Variants in SMARCC1 observed in about 807,000 individuals in gnomAD.
SMARCC1 encodes SWI/SNF complex subunit SMARCC1.
In SMARCC1, 43 loss-of-function variants were observed where a neutral mutation model predicts 147.4. That is an observed-to-expected ratio of 0.29 (90% CI 0.23 to 0.38). SMARCC1 has a LOEUF of 0.38. SMARCC1 is among the 10% of genes least tolerant of loss of function. The probability of loss-of-function intolerance (pLI) is 1.00; values close to 1 mark genes in which losing one functional copy is unlikely to be tolerated. For synonymous variants in SMARCC1, 495 were observed against 484.4 expected (o/e 1.02, Z -0.29); for missense variants, 1,119 against 1,381.1 (o/e 0.81, Z 3.01).
At chr3:47,636,795 T>C (rs1397362139) in intron 22 of SMARCC1, among the ~76,000 whole-genome samples, 1 of 52,494 alleles carries the variant, frequency 1.9e-5, no homozygotes, top group Admixed American at 2.1e-4. Flanking sequence ...TATATGTGTG[T>C]GTGTGTGTGT....
In SMARCC1 at chr3:47,693,272, T is replaced by C. The variant is rs1377811217; in HGVS notation, c.1194A>G (p.Thr398=). 6 of 1,592,854 alleles carry C rather than the reference T, an allele frequency of 3.8e-6. No individual in the cohort carries two copies. The highest frequency in any genetic ancestry group is 5.2e-6 in the Non-Finnish European group (6 of 1,160,866). The change falls in exon 12 of 28, where the codon ACA becomes ACG. Residue 398 remains threonine (T), a synonymous_variant. Transcript: ENST00000254480. ...CCGCTACAGTTCCTCCTTTAACAGG[T>C]GTATTTTCACTATCTTTCTTTAGGT... ...NVNLKKDSEN[T]PVKGGTVADL...
intron 2 of SMARCC1, among the ~76,000 whole-genome samples, chr3:47,753,712 C>CAAAAAAAAAAA (rs71070226): frequency 1.0e-4 from 7 of 69,584 alleles, no homozygotes; most frequent in East Asian, 4.6e-4. Flanking sequence ...AACTCCATCT[C>CAAAAAAAAAAA]AAAAAAAAAA....
intron 26 of SMARCC1, chr3:47,604,507 T>C (rs992667345): frequency 1.4e-5 from 5 of 357,300 alleles, no homozygotes; most frequent in South Asian, 1.1e-4. Context: ...TGCTCATAGT[T>C]CTTACCTTAC....
chr3:47,699,504 C>T (rs2033892547), intron 11 of SMARCC1, among the ~76,000 whole-genome samples: 1 of 151,998 alleles, frequency 6.6e-6, no homozygotes, highest in Admixed American at 6.6e-5. Flanking sequence ...TCCTAGTATT[C>T]TTAACTGCCC....
At chr3:47,684,807 T>C (rs533613733) in intron 14 of SMARCC1, among the ~76,000 whole-genome samples, 3 of 152,234 alleles carry the variant, frequency 2.0e-5, no homozygotes, top group Non-Finnish European at 2.9e-5. Context: ...AGACCCCCAA[T>C]GGATGCCTGA....
chr3:47,721,404 A>G (rs184131364), intron 6 of SMARCC1, among the ~76,000 whole-genome samples: 2 of 152,320 alleles, frequency 1.3e-5, no homozygotes, highest in Admixed American at 1.3e-4. Flanking sequence ...AGTGATTCTT[A>G]GTATTCTAAT....
intron 26 of SMARCC1, among the ~76,000 whole-genome samples, chr3:47,595,470 T>C (rs899147485): frequency 1.1e-4 from 16 of 151,856 alleles, no homozygotes; most frequent in African/African-American, 2.9e-4. Flanking sequence ...GAGGTTGCAG[T>C]GAGCCGAGAA....
intron 12 of SMARCC1, among the ~76,000 whole-genome samples, chr3:47,692,985 T>G (rs992141452): frequency 2.0e-5 from 3 of 151,924 alleles, no homozygotes; most frequent in Admixed American, 2.0e-4. Flanking sequence ...CAGAGTGAGA[T>G]TCCGTCTTAA....
intron 2 of SMARCC1, among the ~76,000 whole-genome samples, chr3:47,769,992 G>A (rs1376035774): frequency 2.0e-5 from 3 of 152,012 alleles, no homozygotes; most frequent in African/African-American, 7.2e-5. Flanking sequence ...TTGGGAGGCC[G>A]AGGCAGGCAG....
At chr3:47,688,599 A>G (rs1045750302) in intron 13 of SMARCC1, among the ~76,000 whole-genome samples, 3 of 152,162 alleles carry the variant, frequency 2.0e-5, no homozygotes, top group Admixed American at 2.0e-4. Flanking sequence ...CTTAAATCTA[A>G]CATGTTCCAA....
chr3:47,691,727 C>T (rs963551750), intron 12 of SMARCC1, among the ~76,000 whole-genome samples: 3 of 149,556 alleles, frequency 2.0e-5, no homozygotes, highest in African/African-American at 7.4e-5. Context: ...TTGCCAGGCC[C>T]GAAAGCTCAT....
At chr3:47,772,020 A>G (rs1276583050) in intron 2 of SMARCC1, among the ~76,000 whole-genome samples, 2 of 151,286 alleles carry the variant, frequency 1.3e-5, no homozygotes, top group Non-Finnish European at 3.0e-5. Context: ...AGTGAGCCGA[A>G]ATCACACCAC....
intron 2 of SMARCC1, among the ~76,000 whole-genome samples, chr3:47,757,266 AAAAG>A (rs924839087): frequency 1.3e-4 from 20 of 152,156 alleles, no homozygotes; most frequent in African/African-American, 4.6e-4. Context: ...AGAAAAGAAA[AAAAG>A]AGAGAGAGAA....
intron 7 of SMARCC1, 70 bp from the exon 8 acceptor site, chr3:47,714,560 TAATA>T: frequency 1.3e-6 from 1 of 789,698 alleles, no homozygotes; most frequent in Non-Finnish European, 2.1e-6. Context: ...CTTTTACAAA[TAATA>T]AGAACATGTT....
At chr3:47,779,956 A>C (rs1166531509) in intron 1 of SMARCC1, among the ~76,000 whole-genome samples, 3 of 152,330 alleles carry the variant, frequency 2.0e-5, no homozygotes, top group African/African-American at 7.2e-5. Context: ...ACATTTAAAA[A>C]GTGACCAATT....
chr3:47,729,997 G>A (rs1482025348), intron 5 of SMARCC1, among the ~76,000 whole-genome samples: 3 of 152,006 alleles, frequency 2.0e-5, no homozygotes, highest in South Asian at 2.1e-4. Flanking sequence ...TGGCCAACAC[G>A]GTGAAACCCC....
chr3:47,609,969 T>C, intron 26 of SMARCC1, 97 bp downstream of exon 26: 1 of 1,350,754 alleles, frequency 7.4e-7, no homozygotes, highest in East Asian at 2.3e-5. Flanking sequence ...TTGAGCAGTC[T>C]TCATCAGAAA....
chr3:47,587,734 C>T lies in SMARCC1; in HGVS notation c.*475G>A, dbSNP rs542553154. 9.0e-5 allele frequency: 14 copies of T among 155,554 alleles called. No individual in the cohort carries two copies. Among genetic ancestry groups the T allele is most frequent in the Admixed American group, 8.9e-4 (14 of 15,772 alleles). The allele number at this position is 155,554 out of a possible 1,614,324, so 9.6% of individuals were successfully genotyped here. ...GTTTGTCCCCTGTGGCTATTCCCCC[C>T]CTTCTGCCCATCATTATTTTTTGGT... On this transcript the variant is annotated 3_prime_UTR_variant, in exon 28 of 28. Coordinates refer to ENST00000254480, the MANE Select transcript of SMARCC1 (RefSeq NM_003074.4).
chr3:47,673,403 G>GT (rs1471217994), intron 18 of SMARCC1, among the ~76,000 whole-genome samples: 1 of 133,788 alleles, frequency 7.5e-6, no homozygotes, highest in Non-Finnish European at 1.7e-5. Flanking sequence ...AAAGGGTGGG[G>GT]GGGGGGCAGG....
Sources: gnomAD v4.1 joint callset for allele counts (sites outside exome capture counted in the v4.1 genomes callset) on GRCh38, gnomAD v4.1.1 for gene constraint, MANE v1.5 for transcripts, NCBI Gene and HGNC (gene_info 2026-07-23, HGNC 2026-07-21) for gene names.